Variants in TUBD1 observed in about 807,000 individuals in gnomAD.
TUBD1 encodes tubulin delta chain.
In TUBD1, 38 loss-of-function variants were observed where a neutral mutation model predicts 51.2. That is an observed-to-expected ratio of 0.74 (90% CI 0.57 to 0.97). TUBD1 has a LOEUF of 0.97. TUBD1 is among the 50% of genes least tolerant of loss of function. TUBD1 has a pLI of 0.00. For synonymous variants in TUBD1, 169 were observed against 178.2 expected (o/e 0.95, Z 0.41); for missense variants, 489 against 538.4 (o/e 0.91, Z 0.91).
intron 5 of TUBD1, among the ~76,000 whole-genome samples, chr17:59,876,345 TTTG>T (rs1377976021): frequency 6.6e-6 from 1 of 150,556 alleles, no homozygotes. Flanking sequence ...TGCCTAACTG[TTTG>T]TTTTTTTTTT....
In TUBD1 at chr17:59,863,897, T is replaced by G. The variant is rs753133559; in HGVS notation, c.1076-50A>C. On this transcript the variant is annotated intron_variant, in intron 7 of 8. Transcript: ENST00000325752. ...TCTTTTTATAGCATAAATTAGTAAT[T>G]GTGAAAACAAACAAACAGATATTTT... 3.0e-6 allele frequency: 4 copies of G among 1,322,502 alleles called. No homozygotes were observed. In the Admixed American group the frequency reaches 1.2e-4, roughly 40 times the overall value. The allele number at this position is 1,322,502 out of a possible 1,614,324, so 81.9% of individuals were successfully genotyped here.
At chr17:59,889,264 T>C (rs2040875667) in intron 2 of TUBD1, among the ~76,000 whole-genome samples, 1 of 150,956 alleles carries the variant, frequency 6.6e-6, no homozygotes, top group African/African-American at 2.4e-5. Context: ...TCTGCCTGCC[T>C]TGGCCTCCCA....
At chr17:59,884,338 C>T (rs915311349) in intron 3 of TUBD1, among the ~76,000 whole-genome samples, 5 of 151,638 alleles carry the variant, frequency 3.3e-5, no homozygotes, top group African/African-American at 4.8e-5. Flanking sequence ...TCAGGCCAGG[C>T]GCAGTGACTC....
At chr17:59,884,874 G>T (rs1002253535) in intron 3 of TUBD1, 11 of 185,934 alleles carry the variant, frequency 5.9e-5, no homozygotes, top group South Asian at 1.0e-4. Flanking sequence ...ACTGAGTCGA[G>T]ATCATGCCAC....
intron 5 of TUBD1, among the ~76,000 whole-genome samples, chr17:59,876,655 C>A (rs545424908): frequency 6.6e-6 from 1 of 152,078 alleles, no homozygotes; most frequent in South Asian, 2.1e-4. Context: ...CCACACCCGG[C>A]CACTTTTTAA....
intron 6 of TUBD1, among the ~76,000 whole-genome samples, chr17:59,872,421 T>C (rs972520858): frequency 6.6e-6 from 1 of 152,060 alleles, no homozygotes; most frequent in African/African-American, 2.4e-5. Flanking sequence ...ACAGAAAAGT[T>C]TCAGGATAAG....
At chr17:59,888,869 G>A (rs112149564) in intron 2 of TUBD1, among the ~76,000 whole-genome samples, 28,729 of 151,368 alleles carry the variant, frequency 0.19, 2,878 homozygotes, top group East Asian at 0.39. Flanking sequence ...GCACCACTAC[G>A]CTCGGCTAAT....
In TUBD1 at chr17:59,878,024, G is replaced by A. The variant is rs2040304214; in HGVS notation, c.769+79C>T. ...AGACTTAAGTGTATCTTCAGGCAGAGGAGGAGACAGAAAGAATAAACTTTG... is the reference window on the plus strand; with the variant it reads ...AGACTTAAGTGTATCTTCAGGCAGAAGAGGAGACAGAAAGAATAAACTTTG... On this transcript the variant is annotated intron_variant, in intron 5 of 8. Transcript: ENST00000325752. 6.3e-6 allele frequency: 7 copies of A among 1,111,204 alleles called. No homozygotes were observed. The South Asian group carries it at 8.8e-5, about 14-fold the overall frequency. The allele number at this position is 1,111,204 out of a possible 1,614,324, so 68.8% of individuals were successfully genotyped here.
chr17:59,878,475 C>G lies in TUBD1; in HGVS notation c.538-141G>C, dbSNP rs569374978. 3.3e-5 allele frequency: 19 copies of G among 582,230 alleles called. No individual in the cohort carries two copies. In the South Asian group the frequency reaches 3.8e-4, roughly 12 times the overall value. The allele number at this position is 582,230 out of a possible 1,614,324, so 36.1% of individuals were successfully genotyped here. A position where few individuals can be genotyped will look rare whatever the true frequency, so the allele number is the denominator to read the frequency against. On this transcript the variant is annotated intron_variant, in intron 4 of 8. Coordinates refer to ENST00000325752, the MANE Select transcript of TUBD1 (RefSeq NM_016261.4). ...TGACCTTGGACAAGTTTTTTAATCT[C>G]TATGCTCAGTTTCCTTTTTTTTTTT...
At chr17:59,872,694 A>G (rs78382947) in intron 6 of TUBD1, among the ~76,000 whole-genome samples, 5,979 of 142,680 alleles carry the variant, frequency 0.042, 379 homozygotes, top group African/African-American at 0.14. Context: ...GAAAATGGGA[A>G]TGTGTGTGTG....
At chr17:59,869,936 A>AG (rs2039901602) in intron 6 of TUBD1, among the ~76,000 whole-genome samples, 1 of 152,182 alleles carries the variant, frequency 6.6e-6, no homozygotes, top group Admixed American at 6.5e-5. Flanking sequence ...CAAGAAAAAA[A>AG]GGAACAGGAG....
intron 1 of TUBD1, among the ~76,000 whole-genome samples, chr17:59,891,479 A>C (rs2041030433): frequency 6.6e-6 from 1 of 152,140 alleles, no homozygotes; most frequent in African/African-American, 2.4e-5. Flanking sequence ...AATATTGGAG[A>C]TAGAACAGCT....
chr17:59,870,671 T>C (rs559747651), intron 6 of TUBD1, among the ~76,000 whole-genome samples: 14 of 152,252 alleles, frequency 9.2e-5, no homozygotes, highest in African/African-American at 2.4e-4. Context: ...CTGAAAAGGC[T>C]GGCAGCCAGG....
intron 8 of TUBD1, among the ~76,000 whole-genome samples, chr17:59,860,657 G>A (rs529458540): frequency 2.6e-5 from 4 of 151,730 alleles, no homozygotes; most frequent in African/African-American, 9.7e-5. Flanking sequence ...CATGATCTCG[G>A]CTCACTGCAA....
In TUBD1 at chr17:59,881,032, G is replaced by T; in HGVS notation, c.399C>A (p.Phe133Leu). Residue 133 changes from phenylalanine (F) to leucine (L), a missense_variant, in exon 4 of 9, where the codon TTC becomes TTA. By Grantham distance (22) the Phe-to-Leu change is conservative. Coordinates refer to ENST00000325752, the MANE Select transcript of TUBD1 (RefSeq NM_016261.4). ...TACTCATTATGATGAAAAAACCACT[G>T]AAAGAGTCACATTTCTCCACTTCCT... ...IRKEVEKCDS[F>L]SGFFIIMSMA... The T allele has an allele frequency of 6.2e-7, 1 of 1,614,098 alleles. No homozygotes were observed. The highest frequency in any genetic ancestry group is 8.5e-7 in the Non-Finnish European group (1 of 1,179,998).
rs369557664 is a variant in TUBD1, at chr17:59,878,139, C to T, written c.733G>A (p.Ala245Thr). ...CGTCTGTAGTGAAATGAGCTTTCTG[C>T]AGAATAAGTAGGCTGGAACACACTT... The part of the protein sequence containing the change: ...LGSVFQPTYS[A>T]ESSFHYRRNP... Residue 245 changes from alanine (A) to threonine (T), a missense_variant, in exon 5 of 9, where the codon GCA becomes ACA. By Grantham distance (58) the Ala-to-Thr change is moderately conservative. Coordinates refer to ENST00000325752, the MANE Select transcript of TUBD1 (RefSeq NM_016261.4). 1.1e-5 allele frequency: 18 copies of T among 1,613,972 alleles called. No individual in the cohort carries two copies. The South Asian group carries it at 1.5e-4, about 14-fold the overall frequency.
intron 5 of TUBD1, among the ~76,000 whole-genome samples, chr17:59,876,133 G>A (rs546354346): frequency 6.6e-6 from 1 of 152,054 alleles, no homozygotes; most frequent in East Asian, 1.9e-4. Flanking sequence ...CATAGCACAA[G>A]TAAATATAGA....
intron 6 of TUBD1, among the ~76,000 whole-genome samples, chr17:59,867,686 C>T (rs1425344513): frequency 6.6e-6 from 1 of 151,824 alleles, no homozygotes; most frequent in Non-Finnish European, 1.5e-5. Flanking sequence ...AGAAATACCA[C>T]TTGAGGAGTA....
Position 59,890,749 on chromosome 17 carries a change from G to A in TUBD1, c.172+82C>T, listed in dbSNP as rs1568336312. The stretch of plus-strand genomic sequence containing the variant: ...TCCCTAGTGAGATGGGAAGGAATGG[G>A]GTTTAAAAACCATGTGGAAGGCCTG... On this transcript the variant is annotated intron_variant, in intron 2 of 8. Coordinates refer to ENST00000325752, the MANE Select transcript of TUBD1 (RefSeq NM_016261.4). 2.8e-5 allele frequency: 32 copies of A among 1,152,310 alleles called. 1 individual carries two copies. Among genetic ancestry groups the A allele is most frequent in the Non-Finnish European group, 3.7e-5 (31 of 830,374 alleles). The allele number at this position is 1,152,310 out of a possible 1,614,324, so 71.4% of individuals were successfully genotyped here.
Sources: gnomAD v4.1 joint callset for allele counts (sites outside exome capture counted in the v4.1 genomes callset) on GRCh38, gnomAD v4.1.1 for gene constraint, MANE v1.5 for transcripts, NCBI Gene and HGNC (gene_info 2026-07-23, HGNC 2026-07-21) for gene names.